The following NEGR1 variants were observed in gnomAD, a reference collection of about 807,000 sequenced individuals.
NEGR1 encodes the protein neuronal growth regulator 1, also known as IgLON family member 4.
NEGR1 carries 10 observed loss-of-function variants against 40.9 expected under a neutral mutation model. The observed-to-expected ratio is 0.24, with a 90% CI of 0.15 to 0.42. The LOEUF is 0.42. NEGR1 is among the 10% of genes least tolerant of loss of function. The probability of loss-of-function intolerance (pLI) is 1.00; values close to 1 mark genes in which losing one functional copy is unlikely to be tolerated. For missense variants in NEGR1, 352 were observed against 438.9 expected, an observed-to-expected ratio of 0.80 and a Z score of 1.77; for synonymous variants, 185 against 166.8, an observed-to-expected ratio of 1.11 and a Z score of -0.84.
chr1:72,161,350 T>A (rs916436529), intron 1 of NEGR1, among the ~76,000 whole-genome samples: 1 of 152,042 alleles, frequency 6.6e-6, no homozygotes, highest in Non-Finnish European at 1.5e-5. Context: ...AGAAGTTAGC[T>A]GGTACATTTT....
At chr1:71,888,650 G>A (rs1372254404) in intron 2 of NEGR1, among the ~76,000 whole-genome samples, 19 of 126,622 alleles carry the variant, frequency 1.5e-4, no homozygotes, top group Admixed American at 3.2e-4. Context: ...AGGGGCGCCC[G>A]CCATTGCCCA....
At position 71,403,759 on chromosome 1, in the gene NEGR1, A is replaced by G. The variant is rs1283494004; in HGVS notation, c.*3687T>C. On this transcript the variant is annotated 3_prime_UTR_variant, in exon 7 of 7. Transcript: ENST00000357731. The stretch of plus-strand genomic sequence containing the variant: ...ATTTTAATTGATAAACTGAGTTTAT[A>G]TTCACCTATTGGAAACAGTACAACA... The G allele has an allele frequency of 2.7e-6, 1 of 364,748 alleles. No homozygotes were observed. The highest frequency in any genetic ancestry group is 2.1e-5 in the African/African-American group (1 of 47,974). The allele number at this position is 364,748 out of a possible 1,614,324, so 22.6% of individuals were successfully genotyped here.
chr1:71,746,005 C>G (rs1570287946), intron 3 of NEGR1, among the ~76,000 whole-genome samples: 1 of 152,154 alleles, frequency 6.6e-6, no homozygotes, highest in Non-Finnish European at 1.5e-5. Flanking sequence ...CTGAGTTTCC[C>G]CCCTCAGTCT....
chr1:72,227,931 G>A (rs1019433862), intron 1 of NEGR1, among the ~76,000 whole-genome samples: 1 of 151,892 alleles, frequency 6.6e-6, no homozygotes, highest in African/African-American at 2.4e-5. Context: ...TGTTTCCCTG[G>A]GCAAGTTACT....
intron 1 of NEGR1, among the ~76,000 whole-genome samples, chr1:72,028,279 G>A (rs987128791): frequency 1.3e-5 from 2 of 152,090 alleles, no homozygotes; most frequent in Admixed American, 6.5e-5. Context: ...AGTGGACTCT[G>A]TGTCATCCTT....
intron 1 of NEGR1, among the ~76,000 whole-genome samples, chr1:72,061,722 A>G (rs1030685869): frequency 4.6e-5 from 7 of 151,844 alleles, no homozygotes; most frequent in Admixed American, 6.6e-5. Context: ...GCCCCCTCCA[A>G]GTAATGTATC....
rs1024049447 is a variant in NEGR1, at chr1:72,005,006, T to C, written c.177-69695A>G. 7.2e-4 allele frequency among the ~76,000 whole-genome samples: 110 copies of C among 152,158 alleles called. 3 individuals carry two copies. Among genetic ancestry groups the C allele is most frequent in the Non-Finnish European group, 1.8e-4 (12 of 68,030 alleles). On this transcript the variant is annotated intron_variant, in intron 1 of 6. Coordinates refer to ENST00000357731, the MANE Select transcript of NEGR1 (RefSeq NM_173808.3). ...TCCTTCTACTTTATGGGTGATTAGG[T>C]ATAACTTCATGCCATTCAGCTGACT...
intron 1 of NEGR1, among the ~76,000 whole-genome samples, chr1:72,081,952 T>C (rs1160524806): frequency 2.0e-5 from 3 of 152,132 alleles, no homozygotes; most frequent in Non-Finnish European, 4.4e-5. Flanking sequence ...TGGTTAAACA[T>C]ACTCAGAGAA....
At chr1:71,428,877 T>A (rs1646446682) in intron 6 of NEGR1, among the ~76,000 whole-genome samples, 2 of 152,052 alleles carry the variant, frequency 1.3e-5, no homozygotes, top group South Asian at 4.2e-4. Context: ...TAAAAAATGT[T>A]TGAATAAGAT....
intron 2 of NEGR1, among the ~76,000 whole-genome samples, chr1:71,785,875 C>G (rs1452762501): frequency 2.0e-5 from 3 of 152,146 alleles, no homozygotes; most frequent in Non-Finnish European, 4.4e-5. Flanking sequence ...TAAGCCTGCT[C>G]AGGTTCAATA....
chr1:71,833,833 G>A (rs549689327), intron 2 of NEGR1, among the ~76,000 whole-genome samples: 21 of 152,086 alleles, frequency 1.4e-4, no homozygotes, highest in East Asian at 5.8e-4. Context: ...TAGAACCAGC[G>A]CACTCTCACT....
chr1:72,201,825 T>C (rs1293440663), intron 1 of NEGR1, among the ~76,000 whole-genome samples: 1 of 151,958 alleles, frequency 6.6e-6, no homozygotes, highest in African/African-American at 2.4e-5. Context: ...ATTGGAATGG[T>C]CCTAATAACT....
intron 1 of NEGR1, among the ~76,000 whole-genome samples, chr1:72,267,010 T>G (rs1655669063): frequency 1.3e-5 from 2 of 151,222 alleles, no homozygotes; most frequent in South Asian, 4.2e-4. Flanking sequence ...ATCAGCTAAT[T>G]CCTTATAATA....
chr1:72,016,739 T>C (rs1427043930), intron 1 of NEGR1, among the ~76,000 whole-genome samples: 1 of 152,176 alleles, frequency 6.6e-6, no homozygotes, highest in East Asian at 1.9e-4. Flanking sequence ...GCACTGCTCT[T>C]ATCTCAGAGG....
At chr1:71,485,074 A>C (rs1646877931) in intron 6 of NEGR1, among the ~76,000 whole-genome samples, 1 of 151,632 alleles carries the variant, frequency 6.6e-6, no homozygotes, top group Non-Finnish European at 1.5e-5. Flanking sequence ...CTAAATAAAT[A>C]ATTGTCCCCA....
intron 1 of NEGR1, among the ~76,000 whole-genome samples, chr1:72,138,550 A>T (rs1005361690): frequency 5.3e-5 from 8 of 152,002 alleles, no homozygotes; most frequent in Non-Finnish European, 1.0e-4. Flanking sequence ...TATGAATACT[A>T]ATCAAAAGAA....
At chr1:71,600,373 G>A (rs1269431321) in intron 5 of NEGR1, among the ~76,000 whole-genome samples, 2 of 152,154 alleles carry the variant, frequency 1.3e-5, no homozygotes, top group Non-Finnish European at 2.9e-5. Context: ...AATAGGTTGT[G>A]TTTAGTTTAA....
intron 3 of NEGR1, among the ~76,000 whole-genome samples, chr1:71,748,813 G>T (rs1655471758): frequency 6.6e-6 from 1 of 152,070 alleles, no homozygotes; most frequent in South Asian, 2.1e-4. Flanking sequence ...AAGCTCTAAT[G>T]CATAGAAGGA....
chr1:71,737,320 C>A (rs899193853), intron 3 of NEGR1, among the ~76,000 whole-genome samples: 2 of 151,758 alleles, frequency 1.3e-5, no homozygotes, highest in African/African-American at 4.8e-5. Context: ...ATTCAAACAC[C>A]CGTTGGACAG....
Sources: gnomAD v4.1 joint callset for allele counts (sites outside exome capture counted in the v4.1 genomes callset) on GRCh38, gnomAD v4.1.1 for gene constraint, MANE v1.5 for transcripts, NCBI Gene and HGNC (gene_info 2026-07-23, HGNC 2026-07-21) for gene names.